HCN1: variants seen among roughly 807,000 people sequenced by gnomAD.
The protein encoded by HCN1 is hyperpolarization activated cyclic nucleotide gated potassium channel 1.
A neutral mutation model predicts 78.9 loss-of-function variants in HCN1; 13 were observed. The ratio of observed to expected loss-of-function variants is 0.16; its 90% CI spans 0.11 to 0.26. The LOEUF (loss-of-function observed/expected upper bound fraction) is 0.26. Ranked by LOEUF, HCN1 falls within the 10% of genes least tolerant of loss-of-function variation. The pLI is 1.00. For synonymous variants in HCN1, 552 were observed against 455.5 expected (o/e 1.21, Z -2.70); for missense variants, 810 against 1,154.3 (o/e 0.70, Z 4.32).
intron 2 of HCN1, among the ~76,000 whole-genome samples, chr5:45,608,068 T>C (rs1744758333): frequency 6.6e-6 from 1 of 151,976 alleles, no homozygotes; most frequent in South Asian, 2.1e-4. Context: ...ACTGCATTTC[T>C]ACATACAAGC....
intron 6 of HCN1, among the ~76,000 whole-genome samples, chr5:45,283,042 A>G (rs1279573784): frequency 6.6e-6 from 1 of 152,204 alleles, no homozygotes; most frequent in East Asian, 1.9e-4. Flanking sequence ...GGTCTAAGAA[A>G]GTTCCTACTT....
Position 45,261,703 on chromosome 5 carries a change from G to A in HCN1, c.*218C>T. 2.2e-6 allele frequency: 1 copy of A among 449,106 alleles called. No homozygotes were observed. Among genetic ancestry groups the A allele is most frequent in the Non-Finnish European group, 3.9e-6 (1 of 253,626 alleles). The allele number at this position is 449,106 out of a possible 1,614,324, so 27.8% of individuals were successfully genotyped here. A position where few individuals can be genotyped will look rare whatever the true frequency, so the allele number is the denominator to read the frequency against. ...TAAAGAAAGGAAGACATATAACACT[G>A]AATGCTAAACAGGTCTTTTGACCCT... On this transcript the variant is annotated 3_prime_UTR_variant, in exon 8 of 8. Transcript: ENST00000303230.
intron 2 of HCN1, among the ~76,000 whole-genome samples, chr5:45,580,849 C>T (rs998700376): frequency 1.3e-5 from 2 of 152,124 alleles, no homozygotes; most frequent in African/African-American, 4.8e-5. Context: ...TCATCCATGT[C>T]CCTACAAAGG....
intron 5 of HCN1, among the ~76,000 whole-genome samples, chr5:45,313,927 A>G (rs568850681): frequency 2.6e-4 from 39 of 152,340 alleles, no homozygotes; most frequent in Admixed American, 1.8e-3. Flanking sequence ...AATACAACCA[A>G]GTTGGAAAAC....
rs181557469 is a variant in HCN1, at chr5:45,629,003, T to G, written c.849+16182A>C. 2.3e-3 allele frequency among the ~76,000 whole-genome samples: 332 copies of G among 145,658 alleles called. 1 individual carries two copies. Among genetic ancestry groups the G allele is most frequent in the East Asian group, 9.0e-3 (45 of 4,984 alleles). On this transcript the variant is annotated intron_variant, in intron 2 of 7. Coordinates refer to ENST00000303230, the MANE Select transcript of HCN1 (RefSeq NM_021072.4). The stretch of plus-strand genomic sequence containing the variant: ...TAAAAAATAAAAAAAAAAAAGAAAA[T>G]AAAAGAAATTATTAAAAAACATATA...
At chr5:45,340,288 G>A (rs1328768717) in intron 5 of HCN1, among the ~76,000 whole-genome samples, 2 of 152,122 alleles carry the variant, frequency 1.3e-5, no homozygotes, top group African/African-American at 2.4e-5. Flanking sequence ...ATATTACCTT[G>A]AGAATTTTCT....
chr5:45,378,722 A>G (rs529153936), intron 4 of HCN1, among the ~76,000 whole-genome samples: 5 of 152,184 alleles, frequency 3.3e-5, no homozygotes, highest in African/African-American at 1.2e-4. Context: ...TGCTGCACCC[A>G]TTAACTCGTC....
rs1333513915 is a variant in HCN1 at position 45,659,159 on chromosome 5, C to G, written c.426-13551G>C. Reference sequence around the variant, plus strand: ...GGGTCCCTGACCCCTGACCCCCGAGCAGCCTAACTGGGAGGCACCCCCCAG... The same window carrying G: ...GGGTCCCTGACCCCTGACCCCCGAGGAGCCTAACTGGGAGGCACCCCCCAG... On this transcript the variant is annotated intron_variant, in intron 1 of 7. Transcript: ENST00000303230. Among the ~76,000 whole-genome samples, 3 of 150,342 alleles carry G rather than the reference C, an allele frequency of 2.0e-5. No individual in the cohort carries two copies. In the South Asian group the frequency reaches 6.3e-4, roughly 32 times the overall value.
chr5:45,297,499 G>A (rs888998570), intron 6 of HCN1, among the ~76,000 whole-genome samples: 1 of 151,968 alleles, frequency 6.6e-6, no homozygotes, highest in Non-Finnish European at 1.5e-5. Context: ...AAATCACCAG[G>A]CCCAAAAGTT....
intron 3 of HCN1, among the ~76,000 whole-genome samples, chr5:45,419,001 T>C (rs1288025002): frequency 1.3e-5 from 2 of 152,176 alleles, no homozygotes. Context: ...CCACTTGCAT[T>C]TGTGCCCGCT....
intron 2 of HCN1, among the ~76,000 whole-genome samples, chr5:45,537,676 T>TA (rs1742997934): frequency 6.6e-6 from 1 of 151,828 alleles, no homozygotes; most frequent in African/African-American, 2.4e-5. Context: ...TAGCTGGAGT[T>TA]ACAGGCACCC....
At chr5:45,423,411 T>G (rs1740267831) in intron 3 of HCN1, among the ~76,000 whole-genome samples, 1 of 151,910 alleles carries the variant, frequency 6.6e-6, no homozygotes, top group Non-Finnish European at 1.5e-5. Context: ...CCTTTCTAAC[T>G]TACTCTATTT....
chr5:45,524,214 A>G (rs1001958482), intron 2 of HCN1, among the ~76,000 whole-genome samples: 4 of 152,014 alleles, frequency 2.6e-5, no homozygotes, highest in Non-Finnish European at 4.4e-5. Context: ...TGTTCCATTG[A>G]TCTATATCTC....
chr5:45,584,011 T>C (rs1744144702), intron 2 of HCN1, among the ~76,000 whole-genome samples: 1 of 152,198 alleles, frequency 6.6e-6, no homozygotes, highest in South Asian at 2.1e-4. Context: ...TTCTGTTGAT[T>C]TGGGGTGGAG....
intron 3 of HCN1, among the ~76,000 whole-genome samples, chr5:45,438,577 G>T (rs1409005391): frequency 6.9e-6 from 1 of 145,552 alleles, no homozygotes; most frequent in Non-Finnish European, 1.5e-5. Context: ...GCCACAGAGC[G>T]AGACTCCGTC....
intron 2 of HCN1, among the ~76,000 whole-genome samples, chr5:45,517,645 G>A (rs531453343): frequency 6.6e-6 from 1 of 151,328 alleles, no homozygotes; most frequent in Non-Finnish European, 1.5e-5. Flanking sequence ...TCAAAATATC[G>A]GCTTTGAGCT....
At chr5:45,480,919 C>G (rs1488868460) in intron 2 of HCN1, among the ~76,000 whole-genome samples, 2 of 152,170 alleles carry the variant, frequency 1.3e-5, no homozygotes, top group African/African-American at 4.8e-5. Context: ...AACACTATGT[C>G]ATATGAATTT....
chr5:45,604,634 A>G (rs1431288257), intron 2 of HCN1, among the ~76,000 whole-genome samples: 2 of 152,018 alleles, frequency 1.3e-5, no homozygotes, highest in East Asian at 3.9e-4. Flanking sequence ...ACCTTTTTAA[A>G]AAAATGATTC....
intron 2 of HCN1, among the ~76,000 whole-genome samples, chr5:45,540,121 T>C (rs1168188750): frequency 6.6e-6 from 1 of 151,802 alleles, no homozygotes; most frequent in African/African-American, 2.4e-5. Flanking sequence ...TCAGATAGAA[T>C]TTAAATATTG....
Sources: allele counts gnomAD v4.1 joint callset (sites outside exome capture counted in the v4.1 genomes callset), GRCh38; gene constraint gnomAD v4.1.1; transcripts MANE v1.5; gene names NCBI Gene and HGNC (gene_info 2026-07-23, HGNC 2026-07-21).